The following CCDC93 variants were observed in gnomAD, a reference collection of about 807,000 sequenced individuals.
CCDC93 encodes the protein coiled-coil domain-containing protein 93.
A neutral mutation model predicts 108.2 loss-of-function variants in CCDC93; 61 were observed. That is an observed-to-expected ratio of 0.56 (90% CI 0.46 to 0.70). The LOEUF (loss-of-function observed/expected upper bound fraction) is 0.70, where lower values mean the gene tolerates loss of function less well. CCDC93 is among the 30% of genes least tolerant of loss of function. The pLI is 0.00. For synonymous variants in CCDC93, 276 were observed against 260.4 expected (o/e 1.06, Z -0.58); for missense variants, 685 against 764.2 (o/e 0.90, Z 1.22).
At chr2:117,958,704 T>C (rs1488947502) in intron 11 of CCDC93, among the ~76,000 whole-genome samples, 6 of 152,174 alleles carry the variant, frequency 3.9e-5, no homozygotes, top group Non-Finnish European at 5.9e-5. Context: ...GGGAACAGCA[T>C]GTGTAAAAAA....
At chr2:118,000,698 C>A in intron 4 of CCDC93, 123 bp downstream of exon 4, 1 of 629,882 alleles carries the variant, frequency 1.6e-6, no homozygotes, top group Non-Finnish European at 2.8e-6. Flanking sequence ...TTCTGCTGTA[C>A]CAAATCTAAG....
At position 118,010,754 on chromosome 2, in the gene CCDC93, CT is replaced by C. The variant is rs540543424; in HGVS notation, c.43-2097del. Among the ~76,000 whole-genome samples, 26 of 152,312 alleles carry C rather than the reference CT, an allele frequency of 1.7e-4. No individual in the cohort carries two copies. The South Asian group carries it at 5.2e-3, about 30-fold the overall frequency. On this transcript the variant is annotated intron_variant, in intron 1 of 23. Transcript: ENST00000376300. ...CACATTCAGATCTTTGGCCACCAAA[CT>C]ATCTTTTCAGGTTCATCCTTTAACT...
At chr2:118,010,350 C>T (rs550849572) in intron 1 of CCDC93, among the ~76,000 whole-genome samples, 4 of 152,154 alleles carry the variant, frequency 2.6e-5, no homozygotes, top group Non-Finnish European at 5.9e-5. Context: ...TTCTAATACT[C>T]TTTCATCTAT....
rs1678302566 is a variant in CCDC93, at chr2:117,930,893, C to T, written c.1842+144G>A. ...AATCTTCAGCTACCTAGACGCCACA[C>T]TTCACTGCCAGATCACACTCTGTCT... is the stretch of plus-strand genomic sequence containing the variant. On this transcript the variant is annotated intron_variant, in intron 23 of 23. Coordinates refer to ENST00000376300, the MANE Select transcript of CCDC93 (RefSeq NM_019044.5). 13 of 585,810 alleles carry T rather than the reference C, an allele frequency of 2.2e-5. No individual in the cohort carries two copies. The South Asian group carries it at 3.2e-4, about 14-fold the overall frequency. The allele number at this position is 585,810 out of a possible 1,614,324, so 36.3% of individuals were successfully genotyped here. A position where few individuals can be genotyped will look rare whatever the true frequency, so the allele number is the denominator to read the frequency against.
chr2:117,956,968 G>T (rs1196064788), intron 12 of CCDC93, among the ~76,000 whole-genome samples: 1 of 150,352 alleles, frequency 6.7e-6, no homozygotes, highest in Non-Finnish European at 1.5e-5. Context: ...TCGGCTCACC[G>T]CAACCTCCGC....
intron 7 of CCDC93, 34 bp from the exon 8 acceptor site, chr2:117,978,064 T>C (rs769588475): frequency 4.4e-6 from 7 of 1,596,934 alleles, no homozygotes; most frequent in Non-Finnish European, 6.0e-6. Flanking sequence ...TAATTACTAC[T>C]TAAAAAATTA....
At chr2:117,983,350 TC>T (rs1175567250) in intron 7 of CCDC93, among the ~76,000 whole-genome samples, 1 of 152,134 alleles carries the variant, frequency 6.6e-6, no homozygotes, top group East Asian at 1.9e-4. Flanking sequence ...TCTGTGGTTT[TC>T]CCCCCACACA....
chr2:117,926,377 C>T (rs1020224435), intron 23 of CCDC93, among the ~76,000 whole-genome samples: 1 of 151,646 alleles, frequency 6.6e-6, no homozygotes, highest in Non-Finnish European at 1.5e-5. Context: ...GCTAGCAAGA[C>T]TAATAAAGAA....
intron 23 of CCDC93, among the ~76,000 whole-genome samples, chr2:117,925,472 C>A (rs182797859): frequency 6.6e-6 from 1 of 152,176 alleles, no homozygotes; most frequent in African/African-American, 2.4e-5. Context: ...GGTTGCAATC[C>A]TAGTCTCTGA....
intron 11 of CCDC93, among the ~76,000 whole-genome samples, chr2:117,968,581 T>C (rs754022216): frequency 1.3e-5 from 2 of 152,214 alleles, no homozygotes; most frequent in Non-Finnish European, 2.9e-5. Context: ...CTCAGGAACT[T>C]TGAGATACAT....
intron 11 of CCDC93, among the ~76,000 whole-genome samples, chr2:117,960,202 A>G (rs1386589619): frequency 1.3e-5 from 2 of 152,220 alleles, no homozygotes; most frequent in African/African-American, 2.4e-5. Flanking sequence ...GCCGAATTAC[A>G]TAAGCCTTCT....
At chr2:117,936,993 A>G in intron 20 of CCDC93, 1 of 499,352 alleles carries the variant, frequency 2.0e-6, no homozygotes, top group Non-Finnish European at 3.6e-6. Context: ...ATGTAGGGAG[A>G]AGGTGCTTTG....
Position 117,920,269 on chromosome 2 carries a change from C to T in CCDC93, c.*74G>A. On this transcript the variant is annotated 3_prime_UTR_variant, in exon 24 of 24. Transcript: ENST00000376300. ...ATCTCTCTACTGTCGCTTTCAGAAC[C>T]ATTTCATGATCTTGTAGGTGATATA... The T allele has an allele frequency of 1.0e-6, 1 of 984,300 alleles. No homozygotes were observed. Among genetic ancestry groups the T allele is most frequent in the Non-Finnish European group, 1.6e-6 (1 of 634,802 alleles). 61.0% of individuals were successfully genotyped at this position (984,300 alleles called of 1,614,324 possible).
intron 11 of CCDC93, among the ~76,000 whole-genome samples, chr2:117,966,842 G>T (rs1679596924): frequency 6.6e-6 from 1 of 152,186 alleles, no homozygotes; most frequent in African/African-American, 2.4e-5. Flanking sequence ...AGGCAATGGT[G>T]CCAGAATTTC....
intron 11 of CCDC93, among the ~76,000 whole-genome samples, chr2:117,965,888 A>C (rs144662631): frequency 1.6e-3 from 239 of 152,358 alleles, no homozygotes; most frequent in African/African-American, 5.6e-3. Context: ...TCTGGCAGAA[A>C]AAAAAAACAA....
At chr2:117,994,085 C>A (rs552653298) in intron 6 of CCDC93, among the ~76,000 whole-genome samples, 42 of 152,282 alleles carry the variant, frequency 2.8e-4, no homozygotes, top group African/African-American at 9.6e-4. Context: ...AGTGAAAAAA[C>A]CACAAAATTA....
intron 3 of CCDC93, among the ~76,000 whole-genome samples, chr2:118,003,629 AC>A (rs1441339376): frequency 4.0e-5 from 6 of 151,710 alleles, no homozygotes; most frequent in African/African-American, 7.3e-5. Flanking sequence ...ATCCAGCCTA[AC>A]CCCCTGCCTT....
intron 1 of CCDC93, among the ~76,000 whole-genome samples, chr2:118,009,428 G>A (rs1676964659): frequency 6.6e-6 from 1 of 151,166 alleles, no homozygotes; most frequent in Middle Eastern, 3.3e-3. Flanking sequence ...ACCGATTTAG[G>A]AGGCCAAGTG....
At chr2:117,980,744 A>G (rs951092052) in intron 7 of CCDC93, among the ~76,000 whole-genome samples, 3 of 152,250 alleles carry the variant, frequency 2.0e-5, no homozygotes, top group African/African-American at 7.2e-5. Context: ...TGTATTGCTC[A>G]CTGGATTTTA....
Sources: allele counts gnomAD v4.1 joint callset (sites outside exome capture counted in the v4.1 genomes callset), GRCh38; gene constraint gnomAD v4.1.1; transcripts MANE v1.5; gene names NCBI Gene and HGNC (gene_info 2026-07-23, HGNC 2026-07-21).